Variants in TP63 observed in about 807,000 individuals in gnomAD.
TP63 encodes tumor protein p63.
A neutral mutation model predicts 82.8 loss-of-function variants in TP63; 17 were observed. The ratio of observed to expected loss-of-function variants is 0.21; its 90% CI spans 0.14 to 0.31. The LOEUF (loss-of-function observed/expected upper bound fraction) is 0.31, where lower values mean the gene tolerates loss of function less well. TP63 is among the 10% of genes least tolerant of loss of function. TP63 has a pLI of 1.00. For missense variants in TP63, 648 were observed against 895.3 expected, an observed-to-expected ratio of 0.72 and a Z score of 3.52; for synonymous variants, 330 against 321.7, an observed-to-expected ratio of 1.03 and a Z score of -0.28.
the TP63 span, among the ~76,000 whole-genome samples, chr3:189,599,091 T>G: frequency 8.7e-4 from 133 of 152,332 alleles, 1 homozygote; most frequent in South Asian, 8.7e-3. Context: ...ATGTTTTCAC[T>G]CTTAAAGTTT....
intron 3 of TP63, among the ~76,000 whole-genome samples, chr3:189,786,432 A>G (rs968245431): frequency 7.0e-6 from 1 of 142,416 alleles, no homozygotes; most frequent in Non-Finnish European, 1.5e-5. Context: ...AATTTGAAAG[A>G]CCAGACATAC....
chr3:189,721,370 A>G (rs1363932130), intron 1 of TP63, among the ~76,000 whole-genome samples: 3 of 152,150 alleles, frequency 2.0e-5, no homozygotes, highest in East Asian at 1.9e-4. Context: ...ATAACCTTCT[A>G]TTACACATGG....
intron 4 of TP63, among the ~76,000 whole-genome samples, chr3:189,813,342 G>T (rs1477366194): frequency 6.6e-6 from 1 of 152,178 alleles, no homozygotes; most frequent in Non-Finnish European, 1.5e-5. Context: ...GGAAAGCTTT[G>T]GGAGTTGCTG....
At position 189,765,971 on chromosome 3, in the gene TP63, A is replaced by G. The variant is rs1722934513; in HGVS notation, c.324+27197A>G. Among the ~76,000 whole-genome samples the G allele has an allele frequency of 2.6e-5, 4 of 152,246 alleles. No individual in the cohort carries two copies. The South Asian group carries it at 8.3e-4, about 32-fold the overall frequency. ...CTCCATGCTCTTGCTTCTGAATTCT[A>G]TGTTGCTAGGATTCCTCTTGTGTCT... On this transcript the variant is annotated intron_variant, in intron 3 of 13. Coordinates refer to ENST00000264731, the MANE Select transcript of TP63 (RefSeq NM_003722.5).
At chr3:189,636,050 A>T (rs1490938105) in intron 1 of TP63, among the ~76,000 whole-genome samples, 1 of 152,162 alleles carries the variant, frequency 6.6e-6, no homozygotes, top group African/African-American at 2.4e-5. Flanking sequence ...AGTTGTTTAT[A>T]CACACTTTTA....
intron 1 of TP63, among the ~76,000 whole-genome samples, chr3:189,664,298 C>T (rs1337601013): frequency 2.6e-5 from 4 of 152,138 alleles, no homozygotes; most frequent in African/African-American, 9.7e-5. Context: ...TATCTCGTTA[C>T]TAAAATCTTT....
At chr3:189,677,694 A>G (rs926844708) in intron 1 of TP63, among the ~76,000 whole-genome samples, 5 of 152,150 alleles carry the variant, frequency 3.3e-5, no homozygotes, top group Non-Finnish European at 7.4e-5. Flanking sequence ...TAAAGGTTGC[A>G]CTAATTTATA....
intron 3 of TP63, among the ~76,000 whole-genome samples, chr3:189,768,822 T>C (rs75030757): frequency 0.053 from 8,132 of 152,178 alleles, 434 homozygotes; most frequent in East Asian, 0.21. Context: ...GGATAAAGCA[T>C]GGAGCTGAAC....
intron 1 of TP63, among the ~76,000 whole-genome samples, chr3:189,734,275 G>C (rs540637831): frequency 3.4e-5 from 5 of 149,088 alleles, no homozygotes; most frequent in Non-Finnish European, 5.9e-5. Flanking sequence ...GGGTTCAAGC[G>C]ATTCTCCTGC....
chr3:189,863,680 G>C (rs998858187), intron 4 of TP63, among the ~76,000 whole-genome samples: 2 of 152,134 alleles, frequency 1.3e-5, no homozygotes, highest in Non-Finnish European at 2.9e-5. Context: ...GGGAGTTCTT[G>C]TTTTACAGTT....
chr3:189,669,200 T>C (rs1369456819), intron 1 of TP63, among the ~76,000 whole-genome samples: 1 of 151,802 alleles, frequency 6.6e-6, no homozygotes, highest in East Asian at 1.9e-4. Context: ...GGTGTGGTGC[T>C]AGTATATAGC....
intron 3 of TP63, among the ~76,000 whole-genome samples, chr3:189,791,648 A>G (rs1725155891): frequency 6.6e-6 from 1 of 152,160 alleles, no homozygotes; most frequent in East Asian, 1.9e-4. Context: ...CTACCTTTCT[A>G]TGTCTTTTTG....
the TP63 span, among the ~76,000 whole-genome samples, chr3:189,610,678 T>A: frequency 6.6e-5 from 10 of 152,370 alleles, no homozygotes; most frequent in Admixed American, 3.9e-4. Flanking sequence ...CTTCTGCCTG[T>A]TGCCCGGTTC....
chr3:189,725,140 C>T (rs1719679769), intron 1 of TP63, among the ~76,000 whole-genome samples: 2 of 152,102 alleles, frequency 1.3e-5, no homozygotes. Context: ...ATATAAACCA[C>T]ATTTCCTGTC....
chr3:189,874,449 T>C (rs904391432), intron 10 of TP63, among the ~76,000 whole-genome samples: 2 of 152,140 alleles, frequency 1.3e-5, no homozygotes, highest in African/African-American at 4.8e-5. Flanking sequence ...ATCTACAGAG[T>C]GGAGTAGACG....
chr3:189,640,800 A>C (rs1380371035), intron 1 of TP63, among the ~76,000 whole-genome samples: 1 of 152,180 alleles, frequency 6.6e-6, no homozygotes, highest in Non-Finnish European at 1.5e-5. Flanking sequence ...TTGTTAGTAC[A>C]GAATATGCCT....
intron 3 of TP63, among the ~76,000 whole-genome samples, chr3:189,768,910 C>G (rs1232451627): frequency 6.6e-6 from 1 of 152,076 alleles, no homozygotes; most frequent in Non-Finnish European, 1.5e-5. Context: ...ACGAAGATGA[C>G]CAGAGAAGAT....
intron 3 of TP63, among the ~76,000 whole-genome samples, chr3:189,791,745 C>T (rs1333106509): frequency 6.6e-6 from 1 of 152,068 alleles, no homozygotes; most frequent in African/African-American, 2.4e-5. Context: ...CTATTACGTA[C>T]GAACAACTTT....
At chr3:189,845,779 AT>A (rs372288228) in intron 4 of TP63, among the ~76,000 whole-genome samples, 100 of 148,358 alleles carry the variant, frequency 6.7e-4, no homozygotes, top group African/African-American at 2.2e-3. Flanking sequence ...AGAATTAATG[AT>A]TTTTTTTTGT....
Sources: gnomAD v4.1 joint callset for allele counts (sites outside exome capture counted in the v4.1 genomes callset) on GRCh38, gnomAD v4.1.1 for gene constraint, MANE v1.5 for transcripts, NCBI Gene and HGNC (gene_info 2026-07-23, HGNC 2026-07-21) for gene names.